Variants in NT5DC1 observed in about 807,000 individuals in gnomAD.
NT5DC1 encodes 5'-nucleotidase domain containing 1.
Under a neutral mutation model 59.4 loss-of-function variants are expected in NT5DC1, and 42 were observed. That is an observed-to-expected ratio of 0.71 (90% CI 0.55 to 0.92). The LOEUF is 0.92. Among genes scored for constraint, NT5DC1 ranks in the 40% least tolerant of loss-of-function variants. The pLI is 0.00. For missense variants in NT5DC1, 501 were observed against 537.1 expected (o/e 0.93, Z 0.66); for synonymous variants, 172 against 188.1 (o/e 0.91, Z 0.70).
intron 6 of NT5DC1, among the ~76,000 whole-genome samples, chr6:116,204,824 A>G (rs908472392): frequency 7.9e-5 from 12 of 152,028 alleles, no homozygotes; most frequent in Non-Finnish European, 1.5e-4. Context: ...AGAACAATGA[A>G]TAGTGTGTAG....
intron 6 of NT5DC1, among the ~76,000 whole-genome samples, chr6:116,147,942 C>G (rs1262230280): frequency 6.6e-6 from 1 of 151,128 alleles, no homozygotes; most frequent in Non-Finnish European, 1.5e-5. Flanking sequence ...GCTGAGATCG[C>G]GCCACTGCAC....
At chr6:116,160,531 A>G (rs1780301853) in intron 6 of NT5DC1, among the ~76,000 whole-genome samples, 1 of 152,086 alleles carries the variant, frequency 6.6e-6, no homozygotes, top group Non-Finnish European at 1.5e-5. Context: ...TCCTTCTGTC[A>G]GATGCATAGT....
chr6:116,171,269 CGAA>C (rs781693976), intron 6 of NT5DC1, among the ~76,000 whole-genome samples: 1 of 151,998 alleles, frequency 6.6e-6, no homozygotes, highest in East Asian at 1.9e-4. Flanking sequence ...TATTATTTTA[CGAA>C]GAATACACAT....
At chr6:116,194,637 T>C (rs940186912) in intron 6 of NT5DC1, among the ~76,000 whole-genome samples, 2 of 152,064 alleles carry the variant, frequency 1.3e-5, no homozygotes, top group African/African-American at 4.8e-5. Context: ...TAATGTGAAT[T>C]CTCTTTATTT....
chr6:116,134,042 G>A (rs1178089606), intron 6 of NT5DC1, among the ~76,000 whole-genome samples: 1 of 152,118 alleles, frequency 6.6e-6, no homozygotes, highest in Non-Finnish European at 1.5e-5. Context: ...TAGACATGCT[G>A]TCATCTTCCC....
intron 6 of NT5DC1, among the ~76,000 whole-genome samples, chr6:116,163,673 G>A (rs538958637): frequency 1.2e-4 from 18 of 152,022 alleles, no homozygotes; most frequent in East Asian, 1.2e-3. Context: ...GGTTTGGTTC[G>A]TTCTTGTTTT....
At chr6:116,146,457 A>G (rs1779899683) in intron 6 of NT5DC1, among the ~76,000 whole-genome samples, 1 of 152,204 alleles carries the variant, frequency 6.6e-6, no homozygotes, top group South Asian at 2.1e-4. Flanking sequence ...TTTACTCAAA[A>G]TGGGGGAAAG....
At chr6:116,233,272 A>C (rs1782052848) in intron 8 of NT5DC1, among the ~76,000 whole-genome samples, 1 of 152,232 alleles carries the variant, frequency 6.6e-6, no homozygotes, top group African/African-American at 2.4e-5. Context: ...GTTTTTTATC[A>C]GTGAATTTGA....
intron 1 of NT5DC1, among the ~76,000 whole-genome samples, chr6:116,101,617 T>C (rs1454488174): frequency 2.6e-5 from 4 of 152,180 alleles, no homozygotes; most frequent in African/African-American, 9.7e-5. Flanking sequence ...AGAAAATACA[T>C]ATTTATTGCG....
At chr6:116,200,895 A>G (rs1781333858) in intron 6 of NT5DC1, among the ~76,000 whole-genome samples, 1 of 151,914 alleles carries the variant, frequency 6.6e-6, no homozygotes, top group Non-Finnish European at 1.5e-5. Context: ...TTCTTCCCCC[A>G]CCCACTCAGA....
intron 6 of NT5DC1, 55 bp downstream of exon 6, chr6:116,118,000 T>A (rs751373495): frequency 2.3e-6 from 2 of 883,476 alleles, no homozygotes; most frequent in South Asian, 2.6e-5. Flanking sequence ...TATGTTTGTC[T>A]AGTGAATTAG....
intron 6 of NT5DC1, chr6:116,119,371 A>G (rs1280932594): frequency 6.6e-6 from 1 of 152,438 alleles, no homozygotes; most frequent in East Asian, 1.9e-4. Flanking sequence ...TGGGTATATA[A>G]AAAGCTTCTC....
chr6:116,159,053 T>A (rs1210077287), intron 6 of NT5DC1, among the ~76,000 whole-genome samples: 1 of 152,244 alleles, frequency 6.6e-6, no homozygotes, highest in Non-Finnish European at 1.5e-5. Flanking sequence ...CTAAATGATA[T>A]GTACATTTTA....
At chr6:116,118,229 T>G (rs1017125017) in intron 6 of NT5DC1, 1 of 407,362 alleles carries the variant, frequency 2.5e-6, no homozygotes, top group Admixed American at 4.1e-5. Context: ...AGTCCAGTTT[T>G]GCTTTTTCAT....
chr6:116,144,362 G>T (rs1000960550), intron 6 of NT5DC1, among the ~76,000 whole-genome samples: 11 of 152,036 alleles, frequency 7.2e-5, no homozygotes, highest in African/African-American at 2.7e-4. Flanking sequence ...TTAGCTGGGC[G>T]TGATGGTGCA....
At chr6:116,156,706 C>A (rs1448314241) in intron 6 of NT5DC1, among the ~76,000 whole-genome samples, 1 of 152,156 alleles carries the variant, frequency 6.6e-6, no homozygotes, top group Non-Finnish European at 1.5e-5. Flanking sequence ...ATTGTACTTT[C>A]ATAATATTTG....
chr6:116,232,860 A>G (rs564817109), intron 8 of NT5DC1, among the ~76,000 whole-genome samples: 1 of 152,356 alleles, frequency 6.6e-6, no homozygotes, highest in Admixed American at 6.5e-5. Context: ...ATATTTAGGA[A>G]TAAATTACAG....
intron 6 of NT5DC1, among the ~76,000 whole-genome samples, chr6:116,179,557 A>C (rs1405850032): frequency 6.6e-6 from 1 of 152,186 alleles, no homozygotes; most frequent in Non-Finnish European, 1.5e-5. Flanking sequence ...ACTAATGATC[A>C]GGGAAACGCA....
intron 6 of NT5DC1, among the ~76,000 whole-genome samples, chr6:116,216,392 TA>T (rs5879367): frequency 1.3e-4 from 20 of 148,340 alleles, no homozygotes; most frequent in Admixed American, 3.4e-4. Context: ...TGGGAAGCTT[TA>T]AAAAAAAAAA....
Sources: gnomAD v4.1 joint callset for allele counts (sites outside exome capture counted in the v4.1 genomes callset) on GRCh38, gnomAD v4.1.1 for gene constraint, MANE v1.5 for transcripts, NCBI Gene and HGNC (gene_info 2026-07-23, HGNC 2026-07-21) for gene names.